The following HACD3 variants were observed in gnomAD, a reference collection of about 807,000 sequenced individuals.
HACD3 encodes the protein very-long-chain (3R)-3-hydroxyacyl-CoA dehydratase 3.
A neutral mutation model predicts 55.2 loss-of-function variants in HACD3; 30 were observed. The observed-to-expected ratio is 0.54, with a 90% CI of 0.41 to 0.74. The LOEUF (loss-of-function observed/expected upper bound fraction) is 0.74, where lower values mean the gene tolerates loss of function less well. Ranked by LOEUF, HACD3 falls within the 30% of genes least tolerant of loss-of-function variation. The probability of loss-of-function intolerance (pLI) is 0.00; values close to 1 mark genes in which losing one functional copy is unlikely to be tolerated. For synonymous variants in HACD3, 141 were observed against 151.7 expected, an observed-to-expected ratio of 0.93 and a Z score of 0.52; for missense variants, 363 against 440.1, an observed-to-expected ratio of 0.82 and a Z score of 1.57.
chr15:65,556,997 T>C, intron 4 of HACD3, 94 bp downstream of exon 4: 1 of 1,223,668 alleles, frequency 8.2e-7, no homozygotes, highest in Admixed American at 2.6e-5. Flanking sequence ...TCTGAAAGAA[T>C]AGCTACAAAG....
intron 1 of HACD3, among the ~76,000 whole-genome samples, chr15:65,542,031 C>G (rs2072024405): frequency 6.6e-6 from 1 of 151,850 alleles, no homozygotes; most frequent in South Asian, 2.1e-4. Flanking sequence ...TAGATCGAGA[C>G]CATCCTGGCC....
chr15:65,564,512 C>T (rs2072273482), intron 7 of HACD3, 170 bp downstream of exon 7: 1 of 855,340 alleles, frequency 1.2e-6, no homozygotes, highest in Non-Finnish European at 1.7e-6. Flanking sequence ...CTGGGAAGGT[C>T]TCACGATCAT....
intron 1 of HACD3, among the ~76,000 whole-genome samples, chr15:65,536,897 TCTTGCACCAAGCAGCCAAGTTGTGA>T (rs1351004563): frequency 1.3e-5 from 2 of 152,224 alleles, no homozygotes; most frequent in Non-Finnish European, 2.9e-5. Flanking sequence ...AAGCTAGGCC[TCTTGCACCAAGCAGCCAAGTTGTGA>T]ATGCAAAGAA....
intron 1 of HACD3, among the ~76,000 whole-genome samples, chr15:65,537,536 A>T (rs990139205): frequency 6.6e-6 from 1 of 151,754 alleles, no homozygotes; most frequent in African/African-American, 2.4e-5. Context: ...CATGTCTGTA[A>T]TCCCGGCACT....
intron 5 of HACD3, among the ~76,000 whole-genome samples, chr15:65,561,194 C>T (rs980998054): frequency 6.6e-5 from 10 of 151,996 alleles, no homozygotes; most frequent in African/African-American, 1.5e-4. Flanking sequence ...GGGCCAGGCA[C>T]GGTGGCTCAT....
chr15:65,535,579 C>T (rs2071946024), intron 1 of HACD3: 1 of 394,760 alleles, frequency 2.5e-6, no homozygotes, highest in Admixed American at 4.4e-5. Context: ...ATTTTTCCAA[C>T]AGCATGTGTT....
In HACD3 at chr15:65,576,478, G is replaced by T. The variant is rs2072402479; in HGVS notation, c.*99G>T. On this transcript the variant is annotated 3_prime_UTR_variant, in exon 11 of 11. Transcript: ENST00000261875. ...TGTAAAAGTTTTTTTAATGTTAAATGATTAAATTCTCAGTGAGGCTATCTT... is the reference window on the plus strand; with the variant it reads ...TGTAAAAGTTTTTTTAATGTTAAATTATTAAATTCTCAGTGAGGCTATCTT... The T allele has an allele frequency of 4.0e-6, 5 of 1,262,868 alleles. No individual in the cohort carries two copies. The South Asian group carries it at 4.4e-5, about 11-fold the overall frequency. 78.2% of individuals were successfully genotyped at this position (1,262,868 alleles called of 1,614,324 possible).
At chr15:65,554,692 A>C (rs914087088) in intron 2 of HACD3, among the ~76,000 whole-genome samples, 195 bp from the exon 3 acceptor site, 3 of 151,882 alleles carry the variant, frequency 2.0e-5, no homozygotes, top group Non-Finnish European at 4.4e-5. Context: ...GGAGAATGGC[A>C]TGAACCCGGG....
chr15:65,555,091 T>G (rs1281539939), intron 3 of HACD3, 131 bp downstream of exon 3: 1 of 725,004 alleles, frequency 1.4e-6, no homozygotes, highest in East Asian at 2.7e-5. Context: ...TTCTTTTATT[T>G]GGAACAGAGC....
In HACD3 at chr15:65,572,249, C is replaced by A; in HGVS notation, c.895C>A (p.Gln299Lys). The A allele has an allele frequency of 6.2e-7, 1 of 1,612,540 alleles. No individual in the cohort carries two copies. The highest frequency in any genetic ancestry group is 2.2e-5 in the East Asian group (1 of 44,864). Reference protein sequence around the residue: ...GCLAEAVSVIQSIPIFNETGR... With the variant: ...GCLAEAVSVIKSIPIFNETGR... ...TCTGTTTTCAGCTGTCTCAGTGATT[C>A]AGTCCATTCCAATATTCAATGAGAC... Residue 299 changes from glutamine (Q) to lysine (K), a missense_variant, in exon 10 of 11, where the codon CAG becomes AAG. Transcript: ENST00000261875.
At position 65,576,287 on chromosome 15, in the gene HACD3, CTCTTT is replaced by C. The variant is rs1200889140; in HGVS notation, c.1013-9_1013-5del. ...ACAAAGACTCTAATTTCTAATTGACCTCTTTTCTTTTTCAGGTTTATACATAAATT... is the reference window on the plus strand; with the variant it reads ...ACAAAGACTCTAATTTCTAATTGACCTCTTTTTCAGGTTTATACATAAATT... On this transcript the variant is annotated splice_polypyrimidine_tract_variant and intron_variant, in intron 10 of 10. Coordinates refer to ENST00000261875, the MANE Select transcript of HACD3 (RefSeq NM_016395.4). The C allele has an allele frequency of 5.7e-6, 9 of 1,580,960 alleles. No individual in the cohort carries two copies. Among genetic ancestry groups the C allele is most frequent in the African/African-American group, 1.4e-5 (1 of 73,804 alleles).
intron 5 of HACD3, among the ~76,000 whole-genome samples, chr15:65,561,484 A>T (rs2072243881): frequency 6.6e-6 from 1 of 152,126 alleles, no homozygotes; most frequent in Non-Finnish European, 1.5e-5. Flanking sequence ...AAGAAAAAAA[A>T]AATTGAGCCG....
intron 1 of HACD3, among the ~76,000 whole-genome samples, chr15:65,545,759 A>AT (rs34144693): frequency 0.86 from 131,043 of 151,926 alleles, 57,623 homozygotes; most frequent in Non-Finnish European, 0.94. Context: ...CCGATTCTGG[A>AT]TTTTTTTAAA....
At chr15:65,570,892 G>A (rs1234640146) in intron 8 of HACD3, among the ~76,000 whole-genome samples, 1 of 152,112 alleles carries the variant, frequency 6.6e-6, no homozygotes, top group Non-Finnish European at 1.5e-5. Context: ...CTTAACCATG[G>A]TCTGTGTCCC....
At chr15:65,572,701 G>C (rs1377651753) in intron 10 of HACD3, among the ~76,000 whole-genome samples, 1 of 152,036 alleles carries the variant, frequency 6.6e-6, no homozygotes, top group Non-Finnish European at 1.5e-5. Context: ...CACATCACAA[G>C]GTCAGGAGTT....
Position 65,577,797 on chromosome 15 carries a change from G to A in HACD3, c.*1418G>A, listed in dbSNP as rs547329223. 1 of 152,582 alleles carries A rather than the reference G, an allele frequency of 6.6e-6. No homozygotes were observed. The highest frequency in any genetic ancestry group is 6.5e-5 in the Admixed American group (1 of 15,294). The allele number at this position is 152,582 out of a possible 1,614,324, so 9.5% of individuals were successfully genotyped here. A position where few individuals can be genotyped will look rare whatever the true frequency, so the allele number is the denominator to read the frequency against. ...CTGAAAACAGCAAGAACTTCGGGGTGAACACCCGCTGATCCTTTAACAAGG... is the reference window on the plus strand; with the variant it reads ...CTGAAAACAGCAAGAACTTCGGGGTAAACACCCGCTGATCCTTTAACAAGG... On this transcript the variant is annotated 3_prime_UTR_variant, in exon 11 of 11. Coordinates refer to ENST00000261875, the MANE Select transcript of HACD3 (RefSeq NM_016395.4).
intron 1 of HACD3, among the ~76,000 whole-genome samples, chr15:65,534,050 CAA>C (rs11298076): frequency 2.1e-3 from 281 of 136,786 alleles, no homozygotes; most frequent in Middle Eastern, 3.8e-3. Flanking sequence ...GACTCCGTCT[CAA>C]AAAAAAAAAA....
At position 65,558,715 on chromosome 15, in the gene HACD3, C is replaced by A. The variant is rs372958001; in HGVS notation, c.405C>A (p.Ser135Arg). 1.2e-6 allele frequency: 2 copies of A among 1,601,458 alleles called. No homozygotes were observed. The highest frequency in any genetic ancestry group is 1.7e-6 in the Non-Finnish European group (2 of 1,173,824). ...GCCTAAATAAACTCCGACTGGAAAG[C>A]GAAGGCTCTCCTGAAAGTAAGTTGT... is the stretch of plus-strand genomic sequence containing the variant. ...EERLNKLRLE[S>R]EGSPETLTNL... The change falls in exon 5 of 11, where the codon AGC becomes AGA. Residue 135 changes from serine (S) to arginine (R), a missense_variant. Ser to Arg is a moderately radical substitution (Grantham distance 110, BLOSUM62 -1). Coordinates refer to ENST00000261875, the MANE Select transcript of HACD3 (RefSeq NM_016395.4).
intron 6 of HACD3, among the ~76,000 whole-genome samples, chr15:65,563,503 A>AC (rs1233445441): frequency 6.6e-6 from 1 of 152,110 alleles, no homozygotes; most frequent in Non-Finnish European, 1.5e-5. Flanking sequence ...GGATTTTTCT[A>AC]CCTGATAATG....
Sources: allele counts gnomAD v4.1 joint callset (sites outside exome capture counted in the v4.1 genomes callset), GRCh38; gene constraint gnomAD v4.1.1; transcripts MANE v1.5; gene names NCBI Gene and HGNC (gene_info 2026-07-23, HGNC 2026-07-21).